Variants in DMD observed in about 807,000 individuals in gnomAD.
The protein encoded by DMD is dystrophin, also known as mutant dystrophin.
Under a neutral mutation model 330.1 loss-of-function variants are expected in DMD, and 63 were observed. That is an observed-to-expected ratio of 0.19 (90% CI 0.16 to 0.24). The LOEUF (loss-of-function observed/expected upper bound fraction) is 0.24, where lower values mean the gene tolerates loss of function less well. Ranked by LOEUF, DMD falls within the 10% of genes least tolerant of loss-of-function variation. The pLI is 1.00. For missense variants in DMD, 3,344 were observed against 2,684.1 expected, an observed-to-expected ratio of 1.25 and a Z score of -5.43; for synonymous variants, 1,223 against 959.8, an observed-to-expected ratio of 1.27 and a Z score of -5.07.
intron 2 of DMD, among the ~76,000 whole-genome samples, chrX:32,934,315 G>A (rs748479343): frequency 1.8e-5 from 2 of 111,153 alleles, no homozygotes; most frequent in South Asian, 3.9e-4. Flanking sequence ...ATCCCCCTGG[G>A]AGGCTGAGGT....
chrX:31,685,176 T>C lies in DMD; in HGVS notation c.7661-5590A>G, dbSNP rs137856651. ...AAATGTTATGGCATTTAGACAACAT[T>C]ATTCTGTGAGCCTTATGGGTAGGAA... On this transcript the variant is annotated intron_variant, in intron 52 of 78. Transcript: ENST00000357033. 1.5e-3 allele frequency among the ~76,000 whole-genome samples: 173 copies of C among 111,778 alleles called. 3 individuals carry two copies. The East Asian group carries it at 0.038, about 24-fold the overall frequency.
At chrX:32,724,092 T>A (rs1380630222) in intron 7 of DMD, among the ~76,000 whole-genome samples, 1 of 112,009 alleles carries the variant, frequency 8.9e-6, no homozygotes, top group Non-Finnish European at 1.9e-5. Context: ...ATTCGACAGT[T>A]GACAAGTCAA....
chrX:32,713,086 TTC>T (rs1175467072), intron 7 of DMD, among the ~76,000 whole-genome samples: 68 of 111,901 alleles, frequency 6.1e-4, no homozygotes, highest in African/African-American at 2.1e-3. Context: ...ATTAAATTAT[TTC>T]TCTATCATGT....
Position 32,565,740 on chromosome X carries a change from C to G in DMD, c.1954G>C (p.Asp652His). The G allele has an allele frequency of 8.3e-7, 1 of 1,211,537 alleles. No homozygotes were observed. The highest frequency in any genetic ancestry group is 1.8e-5 in the South Asian group (1 of 56,997). The change falls in exon 16 of 79, where the codon GAT becomes CAT. Residue 652 changes from aspartate to histidine, a missense_variant. Asp to His is a moderately conservative substitution (Grantham distance 81). Coordinates refer to ENST00000357033, the MANE Select transcript of DMD (RefSeq NM_004006.3). ...AWLDNFARCWDNLVQKLEKST... is the reference protein window; with the variant it reads ...AWLDNFARCWHNLVQKLEKST... ...TTTTCAAGTTTTTGGACTAAATTATCCCAACACCGGGCAAAGTTATCCAGC... is the reference window on the plus strand; with the variant it reads ...TTTTCAAGTTTTTGGACTAAATTATGCCAACACCGGGCAAAGTTATCCAGC...
intron 55 of DMD, among the ~76,000 whole-genome samples, chrX:31,598,311 A>G (rs1313458197): frequency 9.0e-6 from 1 of 110,656 alleles, no homozygotes; most frequent in Non-Finnish European, 1.9e-5. Context: ...TTTGGTAGAG[A>G]CGGAGTCTTG....
chrX:32,971,003 C>T (rs1419061093), intron 2 of DMD, among the ~76,000 whole-genome samples: 7 of 109,828 alleles, frequency 6.4e-5, no homozygotes, highest in South Asian at 4.0e-4. Context: ...CTCTTGTTGC[C>T]CAGGCTGGAG....
At chrX:32,184,810 C>G (rs1228475424) in intron 44 of DMD, among the ~76,000 whole-genome samples, 1 of 102,422 alleles carries the variant, frequency 9.8e-6, no homozygotes, top group Non-Finnish European at 2.0e-5. Context: ...GAGAAACAGC[C>G]TGAGGTCTTG....
chrX:32,919,115 T>G (rs764924447), intron 2 of DMD, among the ~76,000 whole-genome samples: 10 of 111,571 alleles, frequency 9.0e-5, no homozygotes, highest in East Asian at 2.8e-4. Flanking sequence ...TAGAGAACCT[T>G]GTAGGCCAGG....
At chrX:31,867,288 T>C (rs1323667970) in intron 48 of DMD, among the ~76,000 whole-genome samples, 5 of 109,945 alleles carry the variant, frequency 4.5e-5, no homozygotes, top group Non-Finnish European at 9.5e-5. Flanking sequence ...GTTGATTTTG[T>C]ATGTCCTTGA....
chrX:33,179,033 C>T (rs1462124586), intron 1 of DMD, among the ~76,000 whole-genome samples: 3 of 111,574 alleles, frequency 2.7e-5, no homozygotes, highest in Non-Finnish European at 5.6e-5. Flanking sequence ...AAATTTTGTC[C>T]TAAAGAGATA....
At chrX:31,699,954 G>A (rs1426956589) in intron 52 of DMD, among the ~76,000 whole-genome samples, 2 of 111,220 alleles carry the variant, frequency 1.8e-5, no homozygotes, top group South Asian at 3.8e-4. Context: ...TTGGGAGGCC[G>A]AGGTGAACGG....
intron 55 of DMD, among the ~76,000 whole-genome samples, chrX:31,523,714 G>A (rs971858150): frequency 3.6e-5 from 4 of 112,235 alleles, no homozygotes; most frequent in Admixed American, 9.5e-5. Flanking sequence ...GTGGAAGGAC[G>A]GAGCAGTTTG....
intron 1 of DMD, among the ~76,000 whole-genome samples, chrX:33,032,263 G>A (rs1390881829): frequency 1.8e-5 from 2 of 112,076 alleles, no homozygotes; most frequent in East Asian, 5.6e-4. Flanking sequence ...ACACGCCTCA[G>A]GTAGCCTCTG....
chrX:32,376,416 T>C (rs1383938751), intron 34 of DMD, among the ~76,000 whole-genome samples: 2 of 112,062 alleles, frequency 1.8e-5, no homozygotes, highest in Non-Finnish European at 3.8e-5. Flanking sequence ...CAATGATGGT[T>C]GTCTCATTTT....
At chrX:31,749,224 T>A (rs2088173543) in intron 51 of DMD, among the ~76,000 whole-genome samples, 1 of 107,748 alleles carries the variant, frequency 9.3e-6, no homozygotes, top group Admixed American at 1.0e-4. Flanking sequence ...ACATGTGCCA[T>A]GCTGGCACGC....
intron 2 of DMD, among the ~76,000 whole-genome samples, chrX:32,914,325 T>TA (rs1399838826): frequency 3.6e-5 from 4 of 111,106 alleles, no homozygotes; most frequent in African/African-American, 1.3e-4. Context: ...GTCCTAGAAA[T>TA]AAAAAAAGCT....
chrX:31,624,330 T>C (rs1003211355), intron 55 of DMD, among the ~76,000 whole-genome samples: 1 of 112,003 alleles, frequency 8.9e-6, no homozygotes, highest in Admixed American at 9.5e-5. Context: ...GTTACACCTT[T>C]TTATAATACG....
At chrX:33,058,921 T>A (rs1204057801) in intron 1 of DMD, among the ~76,000 whole-genome samples, 1 of 111,842 alleles carries the variant, frequency 8.9e-6, no homozygotes, top group Non-Finnish European at 1.9e-5. Context: ...AAAAAATGGG[T>A]TGTCTTTTTA....
chrX:32,448,393 C>A lies in DMD; in HGVS notation c.3786+63G>T, dbSNP rs146790436. The A allele has an allele frequency of 2.6e-6, 3 of 1,151,049 alleles. No individual in the cohort carries two copies. The African/African-American group carries it at 5.4e-5, about 21-fold the overall frequency. The allele number at this position is 1,151,049 out of a possible 1,213,427, so 94.9% of individuals were successfully genotyped here. On this transcript the variant is annotated intron_variant, in intron 27 of 78. Transcript: ENST00000357033. ...GCACTGGTATCCATGTTCTTAACCA[C>A]TATGCCTCACATATGACCATGTATT...
Sources: allele counts gnomAD v4.1 joint callset (sites outside exome capture counted in the v4.1 genomes callset), GRCh38; gene constraint gnomAD v4.1.1; transcripts MANE v1.5; gene names NCBI Gene and HGNC (gene_info 2026-07-23, HGNC 2026-07-21).